Variants in RTN4 observed in about 807,000 individuals in gnomAD.
RTN4 encodes the protein reticulon-4.
In RTN4, 32 loss-of-function variants were observed where a neutral mutation model predicts 90.4. That is an observed-to-expected ratio of 0.35 (90% CI 0.27 to 0.48). The LOEUF is 0.48. RTN4 is among the 20% of genes least tolerant of loss of function. The probability of loss-of-function intolerance (pLI) is 0.99; values close to 1 mark genes in which losing one functional copy is unlikely to be tolerated. For missense variants in RTN4, 1,706 were observed against 1,430.2 expected (o/e 1.19, Z -3.11); for synonymous variants, 629 against 552.5 (o/e 1.14, Z -1.94).
rs1403984759 is a variant in RTN4 at position 55,026,124 on chromosome 2, A to G, written c.1975T>C (p.Tyr659His). The change falls in exon 3 of 9, where the codon TAT (tyrosine) becomes CAT (histidine). Residue 659 changes from tyrosine to histidine, a missense_variant. By Grantham distance (83) the Tyr-to-His change is moderately conservative. Transcript: ENST00000337526. ...AGTGATACACTCATGGCCTCTTCATATGGTGGGGGGTTTTCAGGCTCATGT... is the reference window on the plus strand; with the variant it reads ...AGTGATACACTCATGGCCTCTTCATGTGGTGGGGGGTTTTCAGGCTCATGT... ...IKHEPENPPP[Y>H]EEAMSVSLKK... 6.2e-7 allele frequency: 1 copy of G among 1,613,390 alleles called. No homozygotes were observed. Among genetic ancestry groups the G allele is most frequent in the Non-Finnish European group, 8.5e-7 (1 of 1,179,794 alleles).
intron 1 of RTN4, among the ~76,000 whole-genome samples, chr2:55,108,387 T>C (rs557286405): frequency 6.6e-6 from 1 of 152,090 alleles, no homozygotes; most frequent in Non-Finnish European, 1.5e-5. Flanking sequence ...AGTGCTCATC[T>C]CTTGCCAGGC....
the RTN4 span, among the ~76,000 whole-genome samples, chr2:55,130,946 G>C: frequency 6.6e-6 from 1 of 152,214 alleles, no homozygotes; most frequent in Non-Finnish European, 1.5e-5. Flanking sequence ...TCTCCTAATA[G>C]TAGGTTGGAA....
intron 3 of RTN4, among the ~76,000 whole-genome samples, chr2:55,001,504 A>G (rs547349418): frequency 2.6e-5 from 4 of 152,346 alleles, no homozygotes; most frequent in Admixed American, 1.3e-4. Context: ...TCCACTAAGT[A>G]ATCTTCAAAA....
intron 3 of RTN4, among the ~76,000 whole-genome samples, chr2:54,994,950 T>C (rs952815961): frequency 6.6e-6 from 1 of 152,126 alleles, no homozygotes; most frequent in Non-Finnish European, 1.5e-5. Context: ...AACATCATCA[T>C]ATTCTAAATA....
At chr2:55,110,306 G>A (rs1361537401) in intron 1 of RTN4, among the ~76,000 whole-genome samples, 5 of 108,016 alleles carry the variant, frequency 4.6e-5, no homozygotes, top group East Asian at 4.7e-4. Context: ...GGGAGACCCT[G>A]TCTCAAAAAA....
At chr2:55,042,753 C>T (rs922939539) in intron 1 of RTN4, among the ~76,000 whole-genome samples, 5 of 152,144 alleles carry the variant, frequency 3.3e-5, no homozygotes, top group Non-Finnish European at 7.4e-5. Flanking sequence ...GCATCTTTCT[C>T]ATTCAACAAA....
intron 1 of RTN4, among the ~76,000 whole-genome samples, chr2:55,106,269 C>T (rs1327103537): frequency 2.0e-5 from 3 of 152,054 alleles, no homozygotes; most frequent in Non-Finnish European, 2.9e-5. Context: ...GACAGCTCAC[C>T]CTACCCTGAA....
In RTN4 at chr2:55,049,900, G is replaced by A. The variant is rs1668003617; in HGVS notation, c.401C>T (p.Pro134Leu). Residue 134 changes from proline to leucine, a missense_variant, in exon 1 of 9, where the codon CCT becomes CTT. Physicochemically the swap from Pro to Leu is moderately conservative, Grantham distance 98 (BLOSUM62 -3). Transcript: ENST00000337526. ...SAAAVSPSKL[P>L]EDDEPPARPP... ...CCGGGCCGGAGGCTCGTCGTCCTCA[G>A]GGAGCTTGGAGGGCGAGACTGCGGC... is the stretch of plus-strand genomic sequence containing the variant. 4.5e-6 allele frequency: 6 copies of A among 1,330,488 alleles called. No individual in the cohort carries two copies. The highest frequency in any genetic ancestry group is 5.7e-6 in the Non-Finnish European group (6 of 1,045,740). 82.4% of individuals were successfully genotyped at this position (1,330,488 alleles called of 1,614,324 possible). A position where few individuals can be genotyped will look rare whatever the true frequency, so the allele number is the denominator to read the frequency against.
chr2:55,075,461 A>G (rs1322069438), intron 2 of RTN4, among the ~76,000 whole-genome samples: 2 of 152,258 alleles, frequency 1.3e-5, no homozygotes, highest in Non-Finnish European at 2.9e-5. Context: ...AAATGGAAAC[A>G]CATCCCATGC....
chr2:55,054,102 C>G (rs1051860571), upstream of RTN4, among the ~76,000 whole-genome samples: 1 of 152,030 alleles, frequency 6.6e-6, no homozygotes, highest in African/African-American at 2.4e-5. Context: ...TAAATTTATA[C>G]AAATAAAAAA....
At chr2:55,103,650 G>T (rs953770111) in intron 1 of RTN4, among the ~76,000 whole-genome samples, 1 of 151,860 alleles carries the variant, frequency 6.6e-6, no homozygotes, top group South Asian at 2.1e-4. Context: ...CTTTTTCTAC[G>T]TCTCACAGAA....
intron 1 of RTN4, among the ~76,000 whole-genome samples, chr2:55,108,267 T>C (rs923822560): frequency 1.3e-5 from 2 of 152,108 alleles, no homozygotes; most frequent in African/African-American, 4.8e-5. Context: ...GTTCTTTATG[T>C]ATATAGATAT....
At chr2:54,992,803 C>T (rs1174468902) in intron 3 of RTN4, among the ~76,000 whole-genome samples, 2 of 152,008 alleles carry the variant, frequency 1.3e-5, no homozygotes, top group Non-Finnish European at 2.9e-5. Context: ...GGCGTGGTGG[C>T]TCACGCCTGT....
At chr2:55,102,308 G>C (rs572911288) in intron 1 of RTN4, among the ~76,000 whole-genome samples, 1 of 152,202 alleles carries the variant, frequency 6.6e-6, no homozygotes, top group Admixed American at 6.5e-5. Flanking sequence ...AGGCCAGGGG[G>C]TAGCAAACCT....
At chr2:55,134,698 T>C in the RTN4 span, among the ~76,000 whole-genome samples, 1 of 151,114 alleles carries the variant, frequency 6.6e-6, no homozygotes, top group Admixed American at 6.6e-5. Flanking sequence ...AGGTTTATAA[T>C]CTAATTCTCC....
chr2:55,129,819 C>A, the RTN4 span, among the ~76,000 whole-genome samples: 2 of 152,062 alleles, frequency 1.3e-5, no homozygotes, highest in Non-Finnish European at 2.9e-5. Flanking sequence ...CCTCGGACTC[C>A]CAAAGTGTTG....
intron 2 of RTN4, 134 bp downstream of exon 2, chr2:55,028,030 C>A: frequency 1.4e-6 from 1 of 732,374 alleles, no homozygotes; most frequent in Non-Finnish European, 2.1e-6. Flanking sequence ...CACATTTCAA[C>A]TTTTCCAGTA....
intron 1 of RTN4, among the ~76,000 whole-genome samples, chr2:55,041,046 G>C (rs1211219999): frequency 1.3e-5 from 2 of 148,678 alleles, no homozygotes; most frequent in African/African-American, 2.5e-5. Flanking sequence ...CCTAATACAA[G>C]AGTACAGAGA....
chr2:55,028,575 G>A (rs1001088170), intron 1 of RTN4, among the ~76,000 whole-genome samples: 30 of 152,038 alleles, frequency 2.0e-4, no homozygotes, highest in African/African-American at 6.8e-4. Flanking sequence ...AAATTGTCTT[G>A]TTCTATTCAG....
Sources: allele counts gnomAD v4.1 joint callset (sites outside exome capture counted in the v4.1 genomes callset), GRCh38; gene constraint gnomAD v4.1.1; transcripts MANE v1.5; gene names NCBI Gene and HGNC (gene_info 2026-07-23, HGNC 2026-07-21).